The following SEC23A variants were observed in gnomAD, a reference collection of about 807,000 sequenced individuals.
SEC23A encodes the protein protein transport protein Sec23A.
In SEC23A, 56 loss-of-function variants were observed where a neutral mutation model predicts 103.7. The ratio of observed to expected loss-of-function variants is 0.54; its 90% CI spans 0.44 to 0.67. SEC23A has a LOEUF of 0.67. Ranked by LOEUF, SEC23A falls within the 30% of genes least tolerant of loss-of-function variation. The probability of loss-of-function intolerance (pLI) is 0.00; values close to 1 mark genes in which losing one functional copy is unlikely to be tolerated. For synonymous variants in SEC23A, 281 were observed against 293.0 expected, an observed-to-expected ratio of 0.96 and a Z score of 0.42; for missense variants, 784 against 936.4, an observed-to-expected ratio of 0.84 and a Z score of 2.12.
intron 4 of SEC23A, 48 bp from the exon 5 acceptor site, chr14:39,091,761 G>A: frequency 2.4e-6 from 3 of 1,242,132 alleles, no homozygotes; most frequent in Non-Finnish European, 3.6e-6. Flanking sequence ...TTAAAGCACA[G>A]CATACAAGAC....
At chr14:39,095,114 G>T (rs185901312) in intron 2 of SEC23A, 7 of 640,314 alleles carry the variant, frequency 1.1e-5, no homozygotes, top group Non-Finnish European at 1.9e-5. Flanking sequence ...TATACTACCA[G>T]AGATGGAATA....
chr14:39,045,907 A>T (rs1885816431), intron 15 of SEC23A, among the ~76,000 whole-genome samples: 1 of 76,800 alleles, frequency 1.3e-5, no homozygotes, highest in Non-Finnish European at 3.0e-5. Flanking sequence ...ATTTGGCTAC[A>T]TCCCCACCCA....
At chr14:39,042,260 G>T (rs936589249) in intron 17 of SEC23A, among the ~76,000 whole-genome samples, 15 of 152,178 alleles carry the variant, frequency 9.9e-5, no homozygotes, top group African/African-American at 3.4e-4. Context: ...AGTAACTGCA[G>T]GAATGCATCA....
chr14:39,054,172 G>A (rs771870856), intron 14 of SEC23A, among the ~76,000 whole-genome samples: 6 of 151,968 alleles, frequency 3.9e-5, no homozygotes, highest in Non-Finnish European at 8.8e-5. Context: ...CTACTCAGGA[G>A]GCTGAAGTGG....
rs1885319966 is a variant in SEC23A, at chr14:39,031,935, T to A, written c.*1304A>T. 1 of 152,674 alleles carries A rather than the reference T, an allele frequency of 6.5e-6. No individual in the cohort carries two copies. The highest frequency in any genetic ancestry group is 6.5e-5 in the Admixed American group (1 of 15,286). 9.5% of individuals were successfully genotyped at this position (152,674 alleles called of 1,614,324 possible). On this transcript the variant is annotated 3_prime_UTR_variant, in exon 20 of 20. Transcript: ENST00000307712. ...AGCCAGAAAAACAGTGAAAAGTATA[T>A]TTTATTGGCATTTAGGCCTAGCGTA...
chr14:39,037,426 A>C (rs1483265807), intron 19 of SEC23A, among the ~76,000 whole-genome samples: 1 of 152,170 alleles, frequency 6.6e-6, no homozygotes, highest in East Asian at 1.9e-4. Context: ...GACTACATTA[A>C]AGTTGAGAGA....
intron 5 of SEC23A, among the ~76,000 whole-genome samples, chr14:39,089,799 T>C (rs1352308154): frequency 1.3e-5 from 2 of 151,966 alleles, no homozygotes; most frequent in African/African-American, 4.8e-5. Flanking sequence ...TCTACAAAAA[T>C]ACCAAAATTA....
chr14:39,033,844 G>A (rs774615743), intron 19 of SEC23A, among the ~76,000 whole-genome samples: 14 of 152,016 alleles, frequency 9.2e-5, no homozygotes, highest in Admixed American at 5.9e-4. Flanking sequence ...AAACTGTATT[G>A]ACAGAATGAT....
chr14:39,052,558 T>G, intron 14 of SEC23A, among the ~76,000 whole-genome samples: 1 of 152,284 alleles, frequency 6.6e-6, no homozygotes, highest in East Asian at 1.9e-4. Context: ...GTGTCATATG[T>G]GACAACCTAC....
intron 5 of SEC23A, among the ~76,000 whole-genome samples, chr14:39,087,293 T>G (rs545487572): frequency 6.6e-6 from 1 of 152,324 alleles, no homozygotes; most frequent in Admixed American, 6.5e-5. Flanking sequence ...AATAAATTGT[T>G]GTGTAACTTA....
intron 2 of SEC23A, chr14:39,095,061 T>C (rs1328806137): frequency 8.8e-5 from 60 of 685,188 alleles, no homozygotes; most frequent in Non-Finnish European, 3.9e-5. Flanking sequence ...TAGGAGGATA[T>C]TGAAATTGCC....
Position 39,091,648 on chromosome 14 carries a change from T to C in SEC23A, c.432A>G (p.Leu144=), listed in dbSNP as rs1354402205. The change falls in exon 5 of 20, where the codon TTA becomes TTG. Residue 144 remains leucine, a synonymous_variant. Transcript: ENST00000307712. The part of the protein sequence containing the change: ...VVDTCMEDED[L]QALKESMQMS... ...TCTGCATGGATTCTTTCAGGGCTTG[T>C]AAATCTTCATCTTCCATGCAAGTAT... is the stretch of plus-strand genomic sequence containing the variant. 1 of 1,614,022 alleles carries C rather than the reference T, an allele frequency of 6.2e-7. No individual in the cohort carries two copies. Among genetic ancestry groups the C allele is most frequent in the Admixed American group, 1.7e-5 (1 of 60,024 alleles).
At chr14:39,058,658 T>C (rs1403017725) in intron 13 of SEC23A, among the ~76,000 whole-genome samples, 1 of 152,228 alleles carries the variant, frequency 6.6e-6, no homozygotes, top group Non-Finnish European at 1.5e-5. Flanking sequence ...TTATTAAATG[T>C]TTCCCAGATG....
At chr14:39,098,546 C>T (rs1887971545) in intron 1 of SEC23A, among the ~76,000 whole-genome samples, 1 of 152,018 alleles carries the variant, frequency 6.6e-6, no homozygotes, top group Admixed American at 6.6e-5. Context: ...GAGGCTGAGG[C>T]CAGCGGATCG....
intron 13 of SEC23A, among the ~76,000 whole-genome samples, chr14:39,060,103 A>G (rs200910733): frequency 5.4e-4 from 81 of 151,124 alleles, no homozygotes; most frequent in African/African-American, 1.7e-3. Context: ...GTGCACACAC[A>G]TGTGTGTGTG....
In SEC23A at chr14:39,045,243, A is replaced by C; in HGVS notation, c.1819T>G (p.Phe607Val). ...GACTGGGTCAGATCTTGACGCATAAAATGGTGACGATAATATGAACTCTCA... is the reference window on the plus strand; with the variant it reads ...GACTGGGTCAGATCTTGACGCATAACATGGTGACGATAATATGAACTCTCA... ...PDESSYYRHH[F>V]MRQDLTQSLI... The change falls in exon 16 of 20, where the codon TTT (phenylalanine) becomes GTT (valine). Residue 607 changes from phenylalanine to valine, a missense_variant. By Grantham distance (50) the Phe-to-Val change is conservative. This residue lies in a region of SEC23A where 683 missense variants were observed against 774.2 expected (regional missense o/e 0.88). Coordinates refer to ENST00000307712, the MANE Select transcript of SEC23A (RefSeq NM_006364.4). 1 of 1,613,258 alleles carries C rather than the reference A, an allele frequency of 6.2e-7. No homozygotes were observed. The highest frequency in any genetic ancestry group is 8.5e-7 in the Non-Finnish European group (1 of 1,179,348).
At chr14:39,042,714 ATTAGAAGTAAGAAAAC>A in intron 17 of SEC23A, 56 bp downstream of exon 17, 4 of 921,172 alleles carry the variant, frequency 4.3e-6, no homozygotes, top group Non-Finnish European at 7.2e-6. Context: ...TAGCCATACA[ATTAGAAGTAAGAAAAC>A]CTTTCTAAGT....
chr14:39,085,709 C>CACACAT, intron 7 of SEC23A, 53 bp downstream of exon 7: 1 of 1,589,528 alleles, frequency 6.3e-7, no homozygotes, highest in Non-Finnish European at 8.6e-7. Context: ...CACACACACA[C>CACACAT]ACACACACAC....
chr14:39,088,154 C>G (rs999542689), intron 5 of SEC23A: 1 of 152,074 alleles, frequency 6.6e-6, no homozygotes, highest in Non-Finnish European at 1.5e-5. Context: ...AGATTTGAAT[C>G]CAGGACTATC....
Sources: gnomAD v4.1 joint callset for allele counts (sites outside exome capture counted in the v4.1 genomes callset) on GRCh38, gnomAD v4.1.1 for gene constraint, gnomAD v4.1.1 regional missense constraint, MANE v1.5 for transcripts, NCBI Gene and HGNC (gene_info 2026-07-23, HGNC 2026-07-21) for gene names.